Variants in TBC1D22A observed in about 807,000 individuals in gnomAD.
The protein encoded by TBC1D22A is putative GTPase activator.
A neutral mutation model predicts 60.2 loss-of-function variants in TBC1D22A; 38 were observed. That is an observed-to-expected ratio of 0.63 (90% CI 0.49 to 0.83). TBC1D22A has a LOEUF of 0.83. TBC1D22A is among the 40% of genes least tolerant of loss of function. The pLI is 0.00. For synonymous variants in TBC1D22A, 302 were observed against 281.7 expected (o/e 1.07, Z -0.72); for missense variants, 628 against 701.0 (o/e 0.90, Z 1.18).
intron 11 of TBC1D22A, among the ~76,000 whole-genome samples, chr22:47,099,946 G>C (rs971222454): frequency 6.6e-6 from 1 of 152,238 alleles, no homozygotes; most frequent in Non-Finnish European, 1.5e-5. Context: ...GCCCCAAACA[G>C]TGAGGGCCTC....
intron 12 of TBC1D22A, among the ~76,000 whole-genome samples, chr22:47,143,145 C>A (rs79396188): frequency 6.6e-6 from 1 of 152,012 alleles, no homozygotes; most frequent in African/African-American, 2.4e-5. Flanking sequence ...TGGAAGCCCC[C>A]GTCTCTCTCT....
intron 11 of TBC1D22A, among the ~76,000 whole-genome samples, chr22:47,041,278 G>C (rs144243350): frequency 2.2e-4 from 33 of 152,254 alleles, no homozygotes; most frequent in South Asian, 8.3e-4. Flanking sequence ...CGCTCCTCAC[G>C]CAGGGCTGGC....
At chr22:47,042,437 GA>G (rs2062879045) in intron 11 of TBC1D22A, among the ~76,000 whole-genome samples, 5 of 152,234 alleles carry the variant, frequency 3.3e-5, no homozygotes, top group Admixed American at 6.5e-5. Flanking sequence ...AGAGGAGAGA[GA>G]GAGAGAATAT....
At chr22:46,942,475 C>T (rs540106309) in intron 8 of TBC1D22A, among the ~76,000 whole-genome samples, 7 of 152,244 alleles carry the variant, frequency 4.6e-5, no homozygotes, top group African/African-American at 4.8e-5. Context: ...ATGCCGCTAA[C>T]GTCACGTGTC....
chr22:47,015,129 G>A (rs1488129002), intron 10 of TBC1D22A, among the ~76,000 whole-genome samples: 1 of 152,236 alleles, frequency 6.6e-6, no homozygotes, highest in Non-Finnish European at 1.5e-5. Flanking sequence ...GGGGCACAGA[G>A]CCACCGTCGG....
chr22:47,115,388 G>T (rs1455347516), intron 12 of TBC1D22A, among the ~76,000 whole-genome samples: 1 of 150,798 alleles, frequency 6.6e-6, no homozygotes, highest in East Asian at 2.0e-4. Flanking sequence ...ATGTCCAGTG[G>T]GGCCTCTCCG....
In TBC1D22A at chr22:47,005,648, A is replaced by C. The variant is rs571817471; in HGVS notation, c.1201+7939A>C. Among the ~76,000 whole-genome samples, 8 of 151,180 alleles carry C rather than the reference A, an allele frequency of 5.3e-5. No homozygotes were observed. In the South Asian group the frequency reaches 6.3e-4, roughly 12 times the overall value. On this transcript the variant is annotated intron_variant, in intron 10 of 12. Transcript: ENST00000337137. The stretch of plus-strand genomic sequence containing the variant: ...TACAAACATGCCTGTACACACACAC[A>C]CACACCCACACACACACCCATATAC...
chr22:46,781,653 G>T (rs1157869396), intron 1 of TBC1D22A, among the ~76,000 whole-genome samples: 1 of 152,132 alleles, frequency 6.6e-6, no homozygotes, highest in African/African-American at 2.4e-5. Context: ...TTTTTGGTTG[G>T]GGGTCTTCTC....
At chr22:46,894,724 T>A (rs997424672) in intron 6 of TBC1D22A, 60 bp from the exon 7 acceptor site, 4 of 1,591,222 alleles carry the variant, frequency 2.5e-6, no homozygotes, top group African/African-American at 1.3e-5. Flanking sequence ...TTTAATCATA[T>A]CGCTCGTAAT....
At chr22:46,834,702 C>T (rs1367105075) in intron 4 of TBC1D22A, among the ~76,000 whole-genome samples, 1 of 152,254 alleles carries the variant, frequency 6.6e-6, no homozygotes, top group Admixed American at 6.5e-5. Flanking sequence ...GCTACAGTTT[C>T]TACTAACTGC....
chr22:46,970,581 C>T (rs909146910), intron 8 of TBC1D22A, among the ~76,000 whole-genome samples: 2 of 152,180 alleles, frequency 1.3e-5, no homozygotes, highest in African/African-American at 4.8e-5. Context: ...CATGGGGCTT[C>T]CCAGGTCGTG....
chr22:46,875,648 C>T (rs2067524227), intron 4 of TBC1D22A, among the ~76,000 whole-genome samples: 2 of 152,144 alleles, frequency 1.3e-5, no homozygotes, highest in Admixed American at 6.5e-5. Context: ...GATGGGGTTT[C>T]ACCATGTTGG....
intron 2 of TBC1D22A, 27 bp downstream of exon 2, chr22:46,792,603 C>G (rs770458033): frequency 1.7e-5 from 28 of 1,614,226 alleles, no homozygotes; most frequent in Non-Finnish European, 2.3e-5. Context: ...CCTCACTTGG[C>G]GTCTCGGCTC....
At chr22:47,137,861 A>T (rs968196858) in intron 12 of TBC1D22A, among the ~76,000 whole-genome samples, 1 of 151,956 alleles carries the variant, frequency 6.6e-6, no homozygotes, top group Non-Finnish European at 1.5e-5. Context: ...GGGAGCCGGG[A>T]GTGGGGAGTG....
At chr22:46,876,012 A>G (rs1373610548) in intron 4 of TBC1D22A, among the ~76,000 whole-genome samples, 3 of 152,210 alleles carry the variant, frequency 2.0e-5, no homozygotes, top group African/African-American at 7.2e-5. Flanking sequence ...TGTAGTTGTC[A>G]GGAAGGCATC....
chr22:46,912,533 A>AGTCTGTCTGTCTGTCT (rs60462275), intron 8 of TBC1D22A, among the ~76,000 whole-genome samples: 14 of 152,068 alleles, frequency 9.2e-5, no homozygotes, highest in African/African-American at 3.1e-4. Flanking sequence ...TCAGTCAATC[A>AGTCTGTCTGTCTGTCT]GTCTGTCTGT....
In TBC1D22A at chr22:46,941,690, ACGCGGATTATATATG is replaced by A. The variant is rs796065848; in HGVS notation, c.1015+29505_1015+29519del. Among the ~76,000 whole-genome samples, 387 of 68,232 alleles carry A rather than the reference ACGCGGATTATATATG, an allele frequency of 5.7e-3. 11 individuals carry two copies. Among genetic ancestry groups the A allele is most frequent in the African/African-American group, 0.022 (279 of 12,604 alleles). The allele number at this position is 68,232 out of a possible 152,430, so 44.8% of individuals were successfully genotyped here. On this transcript the variant is annotated intron_variant, in intron 8 of 12. Coordinates refer to ENST00000337137, the MANE Select transcript of TBC1D22A (RefSeq NM_014346.5). ...CGGAATATATATACGGAATATATAT[ACGCGGATTATATATG>A]CGGAATATATATACGCGGAATGTAT...
chr22:46,995,125 C>T (rs1486752776), intron 9 of TBC1D22A, among the ~76,000 whole-genome samples: 1 of 152,192 alleles, frequency 6.6e-6, no homozygotes, highest in African/African-American at 2.4e-5. Flanking sequence ...CCAAGCTTCT[C>T]CCTGAATCAG....
In TBC1D22A at chr22:46,777,383, G is replaced by T. The variant is rs1349445125; in HGVS notation, c.62+14535G>T. On this transcript the variant is annotated intron_variant, in intron 1 of 12. Coordinates refer to ENST00000337137, the MANE Select transcript of TBC1D22A (RefSeq NM_014346.5). The surrounding 1 kb of genome is among the most constrained non-coding windows in gnomAD (Gnocchi z 4.5). ...GTTGTCCAAGGGTGGGGACCGAAGA[G>T]TGGGTGTGAGGAGTGGCCGGTGGGG... is the stretch of plus-strand genomic sequence containing the variant. Among the ~76,000 whole-genome samples the T allele has an allele frequency of 1.3e-5, 2 of 152,166 alleles. No homozygotes were observed. Among genetic ancestry groups the T allele is most frequent in the Admixed American group, 1.3e-4 (2 of 15,272 alleles).
Sources: gnomAD v4.1 joint callset for allele counts (sites outside exome capture counted in the v4.1 genomes callset) on GRCh38, gnomAD v4.1.1 for gene constraint, Gnocchi (gnomAD v3.1) non-coding constraint, MANE v1.5 for transcripts, NCBI Gene and HGNC (gene_info 2026-07-23, HGNC 2026-07-21) for gene names.